Variants in NRXN1 observed in about 807,000 individuals in gnomAD.
NRXN1 encodes neurexin 1, also known as neurexin-1.
NRXN1 carries 39 observed loss-of-function variants against 150.9 expected under a neutral mutation model. The observed-to-expected ratio is 0.26, with a 90% CI of 0.20 to 0.34. NRXN1 has a LOEUF of 0.34. NRXN1 is among the 10% of genes least tolerant of loss of function. The probability of loss-of-function intolerance (pLI) is 1.00; values close to 1 mark genes in which losing one functional copy is unlikely to be tolerated. For synonymous variants in NRXN1, 924 were observed against 757.0 expected, an observed-to-expected ratio of 1.22 and a Z score of -3.62; for missense variants, 1,815 against 1,949.9, an observed-to-expected ratio of 0.93 and a Z score of 1.30.
intron 21 of NRXN1, among the ~76,000 whole-genome samples, chr2:50,002,580 G>A (rs973911349): frequency 6.6e-6 from 1 of 152,116 alleles, no homozygotes; most frequent in Admixed American, 6.6e-5. Context: ...GTGGGAATGA[G>A]AGATCAAAAT....
At chr2:50,105,503 T>C (rs573924584) in intron 18 of NRXN1, among the ~76,000 whole-genome samples, 3 of 152,170 alleles carry the variant, frequency 2.0e-5, no homozygotes, top group African/African-American at 7.2e-5. Context: ...CTAGTATGTT[T>C]TTTGTTTATA....
intron 17 of NRXN1, among the ~76,000 whole-genome samples, chr2:50,419,206 G>T (rs751256666): frequency 6.6e-6 from 1 of 152,068 alleles, no homozygotes; most frequent in Non-Finnish European, 1.5e-5. Flanking sequence ...GCAATGAACT[G>T]CAGGCTTAAA....
At chr2:49,957,657 A>C (rs1169612874) in intron 21 of NRXN1, among the ~76,000 whole-genome samples, 1 of 152,196 alleles carries the variant, frequency 6.6e-6, no homozygotes, top group African/African-American at 2.4e-5. Flanking sequence ...CTCTCTAGCT[A>C]CACGATGTAA....
At chr2:50,207,459 A>C (rs988407687) in intron 18 of NRXN1, 9 of 152,138 alleles carry the variant, frequency 5.9e-5, no homozygotes, top group Non-Finnish European at 5.9e-5. Context: ...AACTTAATAT[A>C]TACAATTAAG....
intron 17 of NRXN1, among the ~76,000 whole-genome samples, chr2:50,386,587 A>AGAT (rs1553531420): frequency 6.6e-6 from 1 of 152,082 alleles, no homozygotes; most frequent in East Asian, 1.9e-4. Flanking sequence ...CCCCAAATTG[A>AGAT]GACCTTCAAG....
chr2:50,865,162 C>A (rs532105901), intron 5 of NRXN1, among the ~76,000 whole-genome samples: 1 of 151,902 alleles, frequency 6.6e-6, no homozygotes, highest in South Asian at 2.1e-4. Flanking sequence ...CTAGGGTCTA[C>A]AGACAGGTGA....
At chr2:50,682,641 T>C (rs1375437638) in intron 5 of NRXN1, among the ~76,000 whole-genome samples, 9 of 152,088 alleles carry the variant, frequency 5.9e-5, no homozygotes, top group Non-Finnish European at 1.3e-4. Flanking sequence ...ACATGCAATA[T>C]TGTCCTCATT....
At chr2:50,383,639 C>T (rs1372831223) in intron 17 of NRXN1, among the ~76,000 whole-genome samples, 1 of 152,024 alleles carries the variant, frequency 6.6e-6, no homozygotes, top group East Asian at 1.9e-4. Flanking sequence ...AAGAATAAAC[C>T]TGACAAAAGA....
At chr2:50,713,173 G>A (rs1009770078) in intron 5 of NRXN1, among the ~76,000 whole-genome samples, 7 of 151,870 alleles carry the variant, frequency 4.6e-5, no homozygotes, top group Admixed American at 2.0e-4. Context: ...AATTATTCAG[G>A]CGTGGTGGCG....
intron 5 of NRXN1, among the ~76,000 whole-genome samples, chr2:50,648,710 T>A (rs186112591): frequency 2.1e-4 from 32 of 152,010 alleles, no homozygotes; most frequent in Admixed American, 2.0e-3. Flanking sequence ...TCAGCAAGCT[T>A]CAGGAAAACC....
chr2:50,677,491 T>C (rs1053251167), intron 5 of NRXN1, among the ~76,000 whole-genome samples: 4 of 152,158 alleles, frequency 2.6e-5, no homozygotes, highest in African/African-American at 9.6e-5. Context: ...TAGCACTCAG[T>C]TTAAAAAGCC....
At chr2:50,152,500 C>T (rs911227045) in intron 18 of NRXN1, among the ~76,000 whole-genome samples, 1 of 151,812 alleles carries the variant, frequency 6.6e-6, no homozygotes, top group African/African-American at 2.4e-5. Flanking sequence ...ACAAACCCTA[C>T]TTACACTATG....
intron 17 of NRXN1, among the ~76,000 whole-genome samples, chr2:50,299,463 TC>T (rs2073955129): frequency 6.6e-6 from 1 of 151,942 alleles, no homozygotes; most frequent in Non-Finnish European, 1.5e-5. Flanking sequence ...AATGTCTTTT[TC>T]CCCCTGAAGA....
At position 50,489,261 on chromosome 2, in the gene NRXN1, C is replaced by A. The variant is rs190791765; in HGVS notation, c.3070+6644G>T. ...GTGTGCTGGGTGAGAAGAAACCAGC[C>A]CCAGGGCTTTATGCATCTGCAAATG... On this transcript the variant is annotated intron_variant, in intron 15 of 22. Transcript: ENST00000401669. Among the ~76,000 whole-genome samples, 3 of 152,180 alleles carry A rather than the reference C, an allele frequency of 2.0e-5. No homozygotes were observed. In the East Asian group the frequency reaches 5.8e-4, roughly 29 times the overall value.
chr2:50,049,849 G>C (rs1207953059), intron 21 of NRXN1, among the ~76,000 whole-genome samples: 1 of 152,008 alleles, frequency 6.6e-6, no homozygotes, highest in Admixed American at 6.6e-5. Context: ...GAATCTCAAA[G>C]AACTTTATAC....
intron 5 of NRXN1, among the ~76,000 whole-genome samples, chr2:50,812,392 A>T (rs367900331): frequency 6.6e-6 from 1 of 152,222 alleles, no homozygotes; most frequent in South Asian, 2.1e-4. Context: ...TAGTGAAGCC[A>T]TAGCATCAGA....
At chr2:50,731,086 T>G (rs548803434) in intron 5 of NRXN1, among the ~76,000 whole-genome samples, 1 of 152,322 alleles carries the variant, frequency 6.6e-6, no homozygotes, top group African/African-American at 2.4e-5. Flanking sequence ...TGATATTGAT[T>G]TCTGGCTTTA....
At chr2:50,263,583 A>C (rs1365295876) in intron 17 of NRXN1, among the ~76,000 whole-genome samples, 1 of 152,146 alleles carries the variant, frequency 6.6e-6, no homozygotes, top group African/African-American at 2.4e-5. Flanking sequence ...GAAACTGTGG[A>C]AAGTACAAAA....
intron 17 of NRXN1, among the ~76,000 whole-genome samples, chr2:50,267,698 A>T (rs1250470352): frequency 2.6e-5 from 4 of 152,246 alleles, no homozygotes; most frequent in Non-Finnish European, 5.9e-5. Context: ...CGAAAATCTT[A>T]CACACTGGAT....
Sources: gnomAD v4.1 joint callset for allele counts (sites outside exome capture counted in the v4.1 genomes callset) on GRCh38, gnomAD v4.1.1 for gene constraint, MANE v1.5 for transcripts, NCBI Gene and HGNC (gene_info 2026-07-23, HGNC 2026-07-21) for gene names.